Variants in LILRA5 observed in about 807,000 individuals in gnomAD.
The protein encoded by LILRA5 is leukocyte immunoglobulin-like receptor subfamily A member 5.
Under a neutral mutation model 36.3 loss-of-function variants are expected in LILRA5, and 31 were observed. The observed-to-expected ratio is 0.85, with a 90% CI of 0.64 to 1.15. The LOEUF (loss-of-function observed/expected upper bound fraction) is 1.15. Among genes scored for constraint, LILRA5 ranks in the 50% most tolerant of loss-of-function variants. The pLI is 0.00. For synonymous variants in LILRA5, 144 were observed against 144.8 expected (o/e 0.99, Z 0.04); for missense variants, 348 against 377.4 (o/e 0.92, Z 0.64).
chr19:54,307,375 G>A lies in LILRA5; in HGVS notation c.*38C>T, dbSNP rs1384050107. 14 of 1,568,312 alleles carry A rather than the reference G, an allele frequency of 8.9e-6. No homozygotes were observed. The African/African-American group carries it at 1.5e-4, about 17-fold the overall frequency. The stretch of plus-strand genomic sequence containing the variant: ...CTAGGACCATCAGATTCGCTTCCAA[G>A]GCTCCAGCATTCAATGGTGCATTGT... On this transcript the variant is annotated 3_prime_UTR_variant, in exon 7 of 7. Transcript: ENST00000432233.
chr19:54,307,717 G>C lies in LILRA5; in HGVS notation c.744C>G (p.Asn248Lys). ...ACTCACCAGTCCCAGAGTCAGACTT[G>C]TTTTGTGACGGACTGAGGTTATCAG... ...GAADNLSPSQ[N>K]KSDSGTASHL... Residue 248 changes from asparagine to lysine, a missense_variant, in exon 6 of 7, where the codon AAC becomes AAG. Coordinates refer to ENST00000432233, the MANE Select transcript of LILRA5 (RefSeq NM_021250.4). 2 of 1,614,160 alleles carry C rather than the reference G, an allele frequency of 1.2e-6. No individual in the cohort carries two copies. The highest frequency in any genetic ancestry group is 8.5e-7 in the Non-Finnish European group (1 of 1,180,012).
At chr19:54,312,897 G>C in intron 1 of LILRA5, 120 bp downstream of exon 1, 1 of 1,267,730 alleles carries the variant, frequency 7.9e-7, no homozygotes, top group East Asian at 2.3e-5. Flanking sequence ...AAATAGACCC[G>C]GTGCCTTCCT....
At chr19:54,312,765 G>A in intron 1 of LILRA5, 144 bp from the exon 2 acceptor site, 1 of 888,416 alleles carries the variant, frequency 1.1e-6, no homozygotes, top group Non-Finnish European at 1.7e-6. Flanking sequence ...CTGAAGTGAA[G>A]TAGTTGAGAC....
At chr19:54,308,336 T>TGG in intron 5 of LILRA5, 1 of 27,544 alleles carries the variant, frequency 3.6e-5, no homozygotes, top group Non-Finnish European at 5.9e-5. Context: ...TGTGTGTGTG[T>TGG]ATATATATGT....
In LILRA5 at chr19:54,311,622, G is replaced by A. The variant is rs1318640926; in HGVS notation, c.504C>T (p.Phe168=). 42 of 1,614,040 alleles carry A rather than the reference G, an allele frequency of 2.6e-5. No homozygotes were observed. Among genetic ancestry groups the A allele is most frequent in the Non-Finnish European group, 3.4e-5 (40 of 1,180,036 alleles). The change falls in exon 5 of 7, where the codon TTC becomes TTT. Residue 168 remains phenylalanine, a synonymous_variant. Coordinates refer to ENST00000432233, the MANE Select transcript of LILRA5 (RefSeq NM_021250.4). ...CTTCCTCAGTCAGAATGAACCTGTC[G>A]AATCTCAGCCGTGAGCCACACTGGA... is the stretch of plus-strand genomic sequence containing the variant. ...VTLQCGSRLR[F]DRFILTEEGD... is the part of the protein sequence containing the mutation.
Position 54,312,383 on chromosome 19 carries a change from T to C in LILRA5, c.89-13A>G, listed in dbSNP as rs1268186585. The C allele has an allele frequency of 6.2e-7, 1 of 1,614,018 alleles. No homozygotes were observed. The highest frequency in any genetic ancestry group is 8.5e-7 in the Non-Finnish European group (1 of 1,180,014). ...CCCAGACTCAGCCCTGGAAGAGAGT[T>C]CCCTGTGAGAGATTTGCCTCTGAAG... On this transcript the variant is annotated splice_polypyrimidine_tract_variant and intron_variant, in intron 2 of 6. Transcript: ENST00000432233.
chr19:54,310,677 T>C, intron 5 of LILRA5: 1 of 299,484 alleles, frequency 3.3e-6, no homozygotes, highest in South Asian at 2.7e-5. Flanking sequence ...GGGGGTCACT[T>C]CCAAGCTCAG....
intron 5 of LILRA5, chr19:54,310,612 G>T: frequency 4.5e-6 from 1 of 221,050 alleles, no homozygotes; most frequent in Non-Finnish European, 9.5e-6. Flanking sequence ...GCTTTTCTAG[G>T]TCTAGGATGA....
At position 54,307,242 on chromosome 19, in the gene LILRA5, C is replaced by CA. The variant is rs10573769; in HGVS notation, c.*170dup. ...CTGGTGACAGAGCAAGACTCCATCT[C>CA]AAAAAAAAAAAAAAAAAAAAAAAAG... On this transcript the variant is annotated 3_prime_UTR_variant, in exon 7 of 7. Coordinates refer to ENST00000432233, the MANE Select transcript of LILRA5 (RefSeq NM_021250.4). The CA allele has an allele frequency of 0.16, 18,078 of 115,102 alleles. 1,692 individuals are homozygous for CA. The highest frequency in any genetic ancestry group is 0.17 in the African/African-American group (2,715 of 15,620). The allele number at this position is 115,102 out of a possible 1,614,324, so 7.1% of individuals were successfully genotyped here. A position where few individuals can be genotyped will look rare whatever the true frequency, so the allele number is the denominator to read the frequency against.
Position 54,311,583 on chromosome 19 carries a change from G to A in LILRA5, c.543C>T (p.Leu181=). 1 of 1,614,220 alleles carries A rather than the reference G, an allele frequency of 6.2e-7. No homozygotes were observed. The highest frequency in any genetic ancestry group is 8.5e-7 in the Non-Finnish European group (1 of 1,180,034). The stretch of plus-strand genomic sequence containing the variant: ...TCAGCTGTGAGTCCAAGGTCCAGGA[G>A]AGCTTGTGGTCTCCTTCCTCAGTCA... ...FILTEEGDHK[L]SWTLDSQLTP... Residue 181 remains leucine, a synonymous_variant, in exon 5 of 7, where the codon CTC becomes CTT. Coordinates refer to ENST00000432233, the MANE Select transcript of LILRA5 (RefSeq NM_021250.4).
At chr19:54,307,637 C>A (rs2080905867) in intron 6 of LILRA5, 61 bp downstream of exon 6, 1 of 1,613,212 alleles carries the variant, frequency 6.2e-7, no homozygotes, top group South Asian at 1.1e-5. Flanking sequence ...GCACCCATAT[C>A]ATCTTGACAG....
chr19:54,311,205 C>G lies in LILRA5; in HGVS notation c.712+209G>C, dbSNP rs548709079. The G allele has an allele frequency of 1.3e-5, 18 of 1,383,714 alleles. No homozygotes were observed. The South Asian group carries it at 2.6e-4, about 20-fold the overall frequency. The allele number at this position is 1,383,714 out of a possible 1,614,324, so 85.7% of individuals were successfully genotyped here. A position where few individuals can be genotyped will look rare whatever the true frequency, so the allele number is the denominator to read the frequency against. On this transcript the variant is annotated intron_variant, in intron 5 of 6. Transcript: ENST00000432233. Reference sequence around the variant, plus strand: ...TCCTGACATCAGGTGATCCACCTGCCTCGGCCTCCCAAAGTGCTGAGATTA... The same window carrying G: ...TCCTGACATCAGGTGATCCACCTGCGTCGGCCTCCCAAAGTGCTGAGATTA...
rs148391108 is a variant in LILRA5 at position 54,311,685 on chromosome 19, C to T, written c.441G>A (p.Leu147=). 2.9e-5 allele frequency: 46 copies of T among 1,613,648 alleles called. No homozygotes were observed. The highest frequency in any genetic ancestry group is 1.5e-4 in the Admixed American group (9 of 59,998). Residue 147 remains leucine (L), a synonymous_variant, in exon 5 of 7, where the codon CTG becomes CTA. Transcript: ENST00000432233. The part of the protein sequence containing the change: ...GFYNKPTLSA[L]PSPVVTSGEN... ...CTCCTGAGGTCACCACAGGACTGGG[C>T]AGGGCTGAGAGGGTGGGTTTGTTGT...
At position 54,307,763 on chromosome 19, in the gene LILRA5, A is replaced by G. The variant is rs776847150; in HGVS notation, c.713-15T>C. ...ATCAGCTGCTCCTGAAAATCAAAACAGGGGAAGGGGAAGGAGAAGTTCTTG... is the reference window on the plus strand; with the variant it reads ...ATCAGCTGCTCCTGAAAATCAAAACGGGGGAAGGGGAAGGAGAAGTTCTTG... On this transcript the variant is annotated splice_polypyrimidine_tract_variant and intron_variant, in intron 5 of 6. Transcript: ENST00000432233. 1 of 1,611,952 alleles carries G rather than the reference A, an allele frequency of 6.2e-7. No individual in the cohort carries two copies. Among genetic ancestry groups the G allele is most frequent in the South Asian group, 1.1e-5 (1 of 91,028 alleles).
At chr19:54,310,814 C>T in intron 5 of LILRA5, 1 of 263,352 alleles carries the variant, frequency 3.8e-6, no homozygotes. Flanking sequence ...GTCAGGTTCT[C>T]TCCAGGGACC....
rs1200855223 is a variant in LILRA5 at position 54,310,057 on chromosome 19, A to G, written c.712+1357T>C. ...TCCAGCCTCATCACCGTCAGATCCC[A>G]CCGAGGCCTGAGCAGCCTCCTCCCC... On this transcript the variant is annotated intron_variant, in intron 5 of 6. Transcript: ENST00000432233. The G allele has an allele frequency of 1.6e-5, 5 of 304,220 alleles. No homozygotes were observed. In the Admixed American group the frequency reaches 1.7e-4, roughly 10 times the overall value. The allele number at this position is 304,220 out of a possible 1,614,324, so 18.8% of individuals were successfully genotyped here.
rs1372075441 is a variant in LILRA5 at position 54,311,499 on chromosome 19, C to T, written c.627G>A (p.Arg209=). The change falls in exon 5 of 7, where the codon AGG becomes AGA. Residue 209 remains arginine, a synonymous_variant. Transcript: ENST00000432233. The part of the protein sequence containing the change: ...FPVGPVTPSH[R]WMLRCYGSRR... The stretch of plus-strand genomic sequence containing the variant: ...GAGAGCCATAGCATCTGAGCATCCA[C>T]CTGTGGCTGGGGGTCACAGGGCCCA... The T allele has an allele frequency of 1.2e-6, 2 of 1,614,198 alleles. No individual in the cohort carries two copies. The highest frequency in any genetic ancestry group is 1.1e-5 in the South Asian group (1 of 91,088).
chr19:54,312,510 C>A (rs1426883138), intron 2 of LILRA5, 27 bp downstream of exon 2: 1 of 1,613,938 alleles, frequency 6.2e-7, no homozygotes, highest in African/African-American at 1.3e-5. Context: ...GACTAGGGTG[C>A]CCCTTCCCTG....
chr19:54,312,163 G>C lies in LILRA5; in HGVS notation c.125-15C>G. 6.2e-7 allele frequency: 1 copy of C among 1,613,002 alleles called. No homozygotes were observed. Among genetic ancestry groups the C allele is most frequent in the Non-Finnish European group, 8.5e-7 (1 of 1,179,422 alleles). On this transcript the variant is annotated splice_polypyrimidine_tract_variant and intron_variant, in intron 3 of 6. Coordinates refer to ENST00000432233, the MANE Select transcript of LILRA5 (RefSeq NM_021250.4). ...GGAGAGGTTCCCTGGAAGGAAATCA[G>C]AGTCTGGGCTCCAAGACCTCCCCAC...
Sources: allele counts gnomAD v4.1 joint callset, GRCh38; gene constraint gnomAD v4.1.1; transcripts MANE v1.5; gene names NCBI Gene and HGNC (gene_info 2026-07-23, HGNC 2026-07-21).